Variants in MYOM2 observed in about 807,000 individuals in gnomAD.
MYOM2 encodes myomesin-2.
A neutral mutation model predicts 187.6 loss-of-function variants in MYOM2; 254 were observed. The observed-to-expected ratio is 1.35, with a 90% CI of 1.22 to 1.50. The LOEUF (loss-of-function observed/expected upper bound fraction) is 1.50. MYOM2 is among the 40% of genes most tolerant of loss of function. The pLI is 0.00. For missense variants in MYOM2, 2,796 were observed against 1,924.0 expected (o/e 1.45, Z -8.48); for synonymous variants, 981 against 753.8 (o/e 1.30, Z -4.94).
In MYOM2 at chr8:2,094,107, G is replaced by T; in HGVS notation, c.2125+16G>T. On this transcript the variant is annotated intron_variant, in intron 17 of 36. Coordinates refer to ENST00000262113, the MANE Select transcript of MYOM2 (RefSeq NM_003970.4). ...GCCGCACTCAGTAAGTCACTCACAG[G>T]CTGTTGTGTGCCGATTGCTCCCATA... 5 of 1,613,842 alleles carry T rather than the reference G, an allele frequency of 3.1e-6. No individual in the cohort carries two copies. The highest frequency in any genetic ancestry group is 4.2e-6 in the Non-Finnish European group (5 of 1,179,900).
intron 17 of MYOM2, 43 bp downstream of exon 17, chr8:2,094,134 A>G: frequency 6.2e-7 from 1 of 1,605,752 alleles, no homozygotes; most frequent in South Asian, 1.1e-5. Flanking sequence ...GCTCCCATAC[A>G]CTGTCATTTC....
At chr8:2,095,977 C>G (rs762952631) in intron 17 of MYOM2, among the ~76,000 whole-genome samples, 1 of 152,106 alleles carries the variant, frequency 6.6e-6, no homozygotes, top group Non-Finnish European at 1.5e-5. Flanking sequence ...AGATTTAAAC[C>G]GTTCATCCTA....
chr8:2,071,349 T>C (rs1819210118), intron 8 of MYOM2, among the ~76,000 whole-genome samples: 1 of 152,166 alleles, frequency 6.6e-6, no homozygotes, highest in Non-Finnish European at 1.5e-5. Flanking sequence ...CATACAGTTT[T>C]TTTTTGGTTT....
intron 3 of MYOM2, among the ~76,000 whole-genome samples, chr8:2,057,128 C>T (rs1307113278): frequency 6.6e-6 from 1 of 152,200 alleles, no homozygotes; most frequent in Admixed American, 6.5e-5. Context: ...AAATCACATA[C>T]ATGTTCTTCT....
intron 18 of MYOM2, among the ~76,000 whole-genome samples, chr8:2,096,829 C>T (rs567447067): frequency 6.6e-6 from 1 of 152,288 alleles, no homozygotes; most frequent in East Asian, 1.9e-4. Context: ...AATGTTGGCT[C>T]TCTGCTTGTC....
chr8:2,134,207 T>A (rs1797977008), intron 32 of MYOM2, among the ~76,000 whole-genome samples: 1 of 152,184 alleles, frequency 6.6e-6, no homozygotes, highest in Non-Finnish European at 1.5e-5. Flanking sequence ...TGATTAGGTG[T>A]CCTGGCTCCT....
At chr8:2,104,882 T>C (rs985078627) in intron 21 of MYOM2, among the ~76,000 whole-genome samples, 1 of 152,204 alleles carries the variant, frequency 6.6e-6, no homozygotes, top group Admixed American at 6.5e-5. Context: ...ATCTACCCAG[T>C]CTTTCCAGAA....
intron 12 of MYOM2, 149 bp downstream of exon 12, chr8:2,079,082 G>A (rs1819533636): frequency 2.8e-6 from 2 of 706,344 alleles, no homozygotes; most frequent in Non-Finnish European, 4.7e-6. Context: ...AACGTTCTCT[G>A]ACATCTCCAC....
In MYOM2 at chr8:2,098,996, C is replaced by A. The variant is rs780724151; in HGVS notation, c.2440+13C>A. The A allele has an allele frequency of 6.9e-6, 11 of 1,592,640 alleles. No homozygotes were observed. The highest frequency in any genetic ancestry group is 4.5e-5 in the East Asian group (2 of 44,296). On this transcript the variant is annotated intron_variant, in intron 19 of 36. Transcript: ENST00000262113. ...ATGCCGGAGCCCGGTGAGTCGCTGC[C>A]CCCAGGACACCCGCGTTCCAGCGCA...
At position 2,108,809 on chromosome 8, in the gene MYOM2, A is replaced by G; in HGVS notation, c.3022A>G (p.Ser1008Gly). The change falls in exon 24 of 37, where the codon AGC becomes GGC. Residue 1008 changes from serine (S) to glycine (G), a missense_variant. Physicochemically the swap from Ser to Gly is moderately conservative, Grantham distance 56. Coordinates refer to ENST00000262113, the MANE Select transcript of MYOM2 (RefSeq NM_003970.4). The part of the protein sequence containing the change: ...PEELERLMAL[S>G]NEIKNPTIPL... The stretch of plus-strand genomic sequence containing the variant: ...AGAGCTCGAGCGTTTGATGGCATTG[A>G]GCAATGAAATAAAGAACCCCAGTAA... 1 of 1,613,850 alleles carries G rather than the reference A, an allele frequency of 6.2e-7. No individual in the cohort carries two copies. The highest frequency in any genetic ancestry group is 1.3e-5 in the African/African-American group (1 of 75,004).
At chr8:2,080,948 G>A (rs1819601889) in intron 13 of MYOM2, among the ~76,000 whole-genome samples, 2 of 139,406 alleles carry the variant, frequency 1.4e-5, no homozygotes, top group African/African-American at 5.4e-5. Flanking sequence ...CCCAGCCCTT[G>A]CAGAATGAGG....
chr8:2,130,984 C>A (rs1011177135), intron 32 of MYOM2, among the ~76,000 whole-genome samples: 3 of 152,196 alleles, frequency 2.0e-5, no homozygotes, highest in Admixed American at 1.3e-4. Flanking sequence ...TACACACTTG[C>A]AATGTGTGTC....
chr8:2,103,432 G>C (rs1423199489), intron 21 of MYOM2, among the ~76,000 whole-genome samples: 1 of 150,152 alleles, frequency 6.7e-6, no homozygotes, highest in Non-Finnish European at 1.5e-5. Context: ...TAGGTATATG[G>C]ATAAATGAGT....
intron 20 of MYOM2, among the ~76,000 whole-genome samples, chr8:2,101,720 G>T (rs376177513): frequency 2.6e-5 from 4 of 152,154 alleles, no homozygotes; most frequent in African/African-American, 9.6e-5. Flanking sequence ...CAAAGGGATG[G>T]TGCCTATTGT....
At chr8:2,118,460 G>C (rs1797319414) in intron 28 of MYOM2, among the ~76,000 whole-genome samples, 1 of 152,106 alleles carries the variant, frequency 6.6e-6, no homozygotes, top group Non-Finnish European at 1.5e-5. Flanking sequence ...GGGGATGGGG[G>C]AAAAAGATCA....
In MYOM2 at chr8:2,071,372, A is replaced by G. The variant is rs149221384; in HGVS notation, c.794-973A>G. ...TTTTTTTTGGTTTTAAAAATTCAGT[A>G]TAGATTTTTTTCCTGACATGTATGT... On this transcript the variant is annotated intron_variant, in intron 8 of 36. Coordinates refer to ENST00000262113, the MANE Select transcript of MYOM2 (RefSeq NM_003970.4). Among the ~76,000 whole-genome samples, 7 of 152,148 alleles carry G rather than the reference A, an allele frequency of 4.6e-5. No homozygotes were observed. The South Asian group carries it at 1.0e-3, about 23-fold the overall frequency.
intron 18 of MYOM2, among the ~76,000 whole-genome samples, 169 bp downstream of exon 18, chr8:2,096,603 CA>C (rs1796495868): frequency 6.6e-6 from 1 of 152,178 alleles, no homozygotes; most frequent in South Asian, 2.1e-4. Context: ...TCCTAGGAAT[CA>C]TATTCTTTTT....
chr8:2,131,441 G>T (rs1015968465), intron 32 of MYOM2, among the ~76,000 whole-genome samples: 1 of 151,864 alleles, frequency 6.6e-6, no homozygotes, highest in East Asian at 1.9e-4. Flanking sequence ...AGTGAAGAGG[G>T]TGGGTCCTAG....
Position 2,129,342 on chromosome 8 carries a change from C to A in MYOM2, c.3800+110C>A, listed in dbSNP as rs1797772131. 9 of 638,848 alleles carry A rather than the reference C, an allele frequency of 1.4e-5. No individual in the cohort carries two copies. In the South Asian group the frequency reaches 2.0e-4, roughly 14 times the overall value. 39.6% of individuals were successfully genotyped at this position (638,848 alleles called of 1,614,324 possible). A position where few individuals can be genotyped will look rare whatever the true frequency, so the allele number is the denominator to read the frequency against. ...ACATCAAGGCACTGCCATTTCCCCT[C>A]AAAATTTTATAATTTTGAGCAATGA... is the stretch of plus-strand genomic sequence containing the variant. On this transcript the variant is annotated intron_variant, in intron 32 of 36. Coordinates refer to ENST00000262113, the MANE Select transcript of MYOM2 (RefSeq NM_003970.4).
Sources: gnomAD v4.1 joint callset for allele counts (sites outside exome capture counted in the v4.1 genomes callset) on GRCh38, gnomAD v4.1.1 for gene constraint, MANE v1.5 for transcripts, NCBI Gene and HGNC (gene_info 2026-07-23, HGNC 2026-07-21) for gene names.